Variants in ZNF100 observed in about 807,000 individuals in gnomAD.
The protein encoded by ZNF100 is zinc finger protein 100 (Y1).
In ZNF100, 12 loss-of-function variants were observed where a neutral mutation model predicts 15.8. The ratio of observed to expected loss-of-function variants is 0.76; its 90% confidence interval spans 0.49 to 1.23. The LOEUF is 1.23. ZNF100 is among the 50% of genes most tolerant of loss of function. The pLI, the probability that ZNF100 is intolerant of heterozygous loss-of-function variation, is 0.00. For missense variants in ZNF100, 670 were observed against 635.6 expected (o/e 1.05, Z -0.58); for synonymous variants, 226 against 214.8 (o/e 1.05, Z -0.45).
rs558412038 is a variant in ZNF100, at chr19:21,742,074, T to A, written c.322+1943A>T. Among the ~76,000 whole-genome samples, 21 of 152,178 alleles carry A rather than the reference T, an allele frequency of 1.4e-4. No homozygotes were observed. In the East Asian group the frequency reaches 3.7e-3, roughly 27 times the overall value. On this transcript the variant is annotated intron_variant, in intron 4 of 4. Coordinates refer to ENST00000358296, the MANE Select transcript of ZNF100 (RefSeq NM_173531.4). Reference sequence around the variant, plus strand: ...ACTCTGGGAGGCTGAGGCAGAGCGATCACTTGAGGTCAGGAATTCAAGACT... The same window carrying A: ...ACTCTGGGAGGCTGAGGCAGAGCGAACACTTGAGGTCAGGAATTCAAGACT...
chr19:21,738,978 A>G (rs2036059948), intron 4 of ZNF100, among the ~76,000 whole-genome samples: 1 of 152,136 alleles, frequency 6.6e-6, no homozygotes, highest in South Asian at 2.1e-4. Context: ...CTTTTAATGA[A>G]CCAGCTCTCA....
At chr19:21,728,784 A>T (rs2035861282) in intron 4 of ZNF100, among the ~76,000 whole-genome samples, 1 of 152,052 alleles carries the variant, frequency 6.6e-6, no homozygotes, top group Admixed American at 6.6e-5. Context: ...ATAAAATTTT[A>T]AAAAAGAAAC....
chr19:21,741,384 ATTT>A (rs1004926898), intron 4 of ZNF100, among the ~76,000 whole-genome samples: 5 of 151,816 alleles, frequency 3.3e-5, no homozygotes, highest in Admixed American at 1.3e-4. Context: ...TATTATTATT[ATTT>A]TTTTTGAGAC....
At chr19:21,743,196 C>A (rs112796697) in intron 4 of ZNF100, 2 of 152,102 alleles carry the variant, frequency 1.3e-5, no homozygotes, top group African/African-American at 2.4e-5. Context: ...CCACTGCACT[C>A]CAACTTGATG....
intron 1 of ZNF100, among the ~76,000 whole-genome samples, chr19:21,766,744 A>T (rs1460351646): frequency 6.6e-6 from 1 of 152,212 alleles, no homozygotes; most frequent in Non-Finnish European, 1.5e-5. Context: ...CTGTAATCCC[A>T]GCACTTTAGG....
At chr19:21,733,565 A>G (rs1279591557) in intron 4 of ZNF100, among the ~76,000 whole-genome samples, 12 of 152,240 alleles carry the variant, frequency 7.9e-5, no homozygotes, top group Non-Finnish European at 1.8e-4. Context: ...ACATATCTAC[A>G]AGAAACACAT....
At chr19:21,759,488 A>C (rs577689541) in intron 2 of ZNF100, among the ~76,000 whole-genome samples, 2 of 152,224 alleles carry the variant, frequency 1.3e-5, no homozygotes, top group Non-Finnish European at 2.9e-5. Context: ...AACTAGAGCA[A>C]CTCGATTTTG....
intron 2 of ZNF100, among the ~76,000 whole-genome samples, chr19:21,759,620 T>C (rs2036448017): frequency 6.6e-6 from 1 of 152,116 alleles, no homozygotes; most frequent in Non-Finnish European, 1.5e-5. Flanking sequence ...AGCTGGCTGA[T>C]AAAACAGTTT....
At chr19:21,758,764 CAGA>C (rs2145741190) in intron 2 of ZNF100, among the ~76,000 whole-genome samples, 1 of 152,232 alleles carries the variant, frequency 6.6e-6, no homozygotes, top group East Asian at 1.9e-4. Flanking sequence ...GTGAGTGGAT[CAGA>C]ATCCTGTGGT....
At chr19:21,751,861 G>T in intron 2 of ZNF100, 2 of 731,978 alleles carry the variant, frequency 2.7e-6, no homozygotes, top group Non-Finnish European at 4.7e-6. Flanking sequence ...CTGTAAGAAG[G>T]TCTTTCAGCG....
intron 1 of ZNF100, among the ~76,000 whole-genome samples, chr19:21,766,445 A>T (rs1439712070): frequency 1.4e-5 from 2 of 147,706 alleles, no homozygotes; most frequent in Non-Finnish European, 3.0e-5. Context: ...ACTCAGGTGC[A>T]TTTTTTTTTT....
In ZNF100 at chr19:21,765,779, G is replaced by C. The variant is rs767156995; in HGVS notation, c.11C>G (p.Pro4Arg). 3.7e-6 allele frequency: 6 copies of C among 1,614,028 alleles called. No homozygotes were observed. The highest frequency in any genetic ancestry group is 1.7e-5 in the Admixed American group (1 of 60,006). ...CTTGAGAGGACACATTCCATACCTC[G>C]GGTCATCCTACGGGAGAAAATAAAC... is the stretch of plus-strand genomic sequence containing the variant. MDD[P>R]RYGMCPLKGA... Residue 4 changes from proline (P) to arginine (R), a missense_variant, in exon 2 of 5, where the codon CCG becomes CGG. By Grantham distance (103) the Pro-to-Arg change is moderately radical (BLOSUM62 -2). Coordinates refer to ENST00000358296, the MANE Select transcript of ZNF100 (RefSeq NM_173531.4).
intron 2 of ZNF100, chr19:21,752,730 AG>A (rs1454446006): frequency 1.9e-4 from 29 of 152,296 alleles, no homozygotes; most frequent in Admixed American, 1.8e-3. Flanking sequence ...GTGAAAAAAA[AG>A]TAAAGCAGTT....
intron 4 of ZNF100, among the ~76,000 whole-genome samples, chr19:21,742,569 C>G (rs544288426): frequency 6.6e-6 from 1 of 151,840 alleles, no homozygotes; most frequent in Non-Finnish European, 1.5e-5. Context: ...GACACCAATG[C>G]AAAACTATAT....
Position 21,726,696 on chromosome 19 carries a change from GT to G in ZNF100, c.1615del (p.Thr539ProfsTer84). ...IKQNNSYWRE[T>X]LQM is the part of the protein sequence containing the mutation. ...TTGCCACATTTTTCACATTTGTAGG[GT>G]TTCTCTCCAGTATGAGTTATTTTGT... On this transcript the variant is annotated frameshift_variant, in exon 5 of 5. Transcript: ENST00000358296. LOFTEE classifies it high-confidence loss of function. 1 of 1,607,396 alleles carries G rather than the reference GT, an allele frequency of 6.2e-7. No homozygotes were observed.
At chr19:21,730,450 G>GTGTGTA (rs1236072277) in intron 4 of ZNF100, among the ~76,000 whole-genome samples, 1 of 117,602 alleles carries the variant, frequency 8.5e-6, no homozygotes, top group Non-Finnish European at 1.7e-5. Context: ...ACCTAAGTGT[G>GTGTGTA]TGTGTGTGTG....
chr19:21,729,930 G>C (rs1034606842), intron 4 of ZNF100, among the ~76,000 whole-genome samples: 7 of 151,856 alleles, frequency 4.6e-5, no homozygotes, highest in Non-Finnish European at 1.5e-5. Context: ...ATCTTTTAGA[G>C]GTTTACGTAA....
intron 2 of ZNF100, among the ~76,000 whole-genome samples, 187 bp from the exon 3 acceptor site, chr19:21,745,254 A>G (rs868741796): frequency 6.6e-6 from 1 of 152,262 alleles, no homozygotes; most frequent in Non-Finnish European, 1.5e-5. Context: ...GAGAGAAGAG[A>G]ATGGCATAAG....
At chr19:21,737,554 GA>G (rs566662354) in intron 4 of ZNF100, among the ~76,000 whole-genome samples, 5,377 of 111,694 alleles carry the variant, frequency 0.048, 111 homozygotes, top group South Asian at 0.086. Context: ...AAAAAAAGAA[GA>G]AAAAAAAAAA....
Sources: gnomAD v4.1 joint callset for allele counts (sites outside exome capture counted in the v4.1 genomes callset) on GRCh38, gnomAD v4.1.1 for gene constraint, MANE v1.5 for transcripts, NCBI Gene and HGNC (gene_info 2026-07-23, HGNC 2026-07-21) for gene names.